The following LGALS4 variants were observed in gnomAD, a reference collection of about 807,000 sequenced individuals.
The protein encoded by LGALS4 is galectin-4.
In LGALS4, 37 loss-of-function variants were observed where a neutral mutation model predicts 39.6. The ratio of observed to expected loss-of-function variants is 0.93; its 90% confidence interval spans 0.72 to 1.23. The LOEUF is 1.23. Ranked by LOEUF, LGALS4 falls within the 50% of genes most tolerant of loss-of-function variation. The probability of loss-of-function intolerance (pLI) is 0.00; values close to 1 mark genes in which losing one functional copy is unlikely to be tolerated. For synonymous variants in LGALS4, 160 were observed against 165.5 expected (o/e 0.97, Z 0.25); for missense variants, 397 against 433.2 (o/e 0.92, Z 0.74).
intron 2 of LGALS4, among the ~76,000 whole-genome samples, chr19:38,809,644 C>CTTTTTTTTTTTTTTT (rs66473176): frequency 2.7e-5 from 2 of 74,544 alleles, no homozygotes; most frequent in Non-Finnish European, 4.7e-5. Context: ...CTATGCCTGG[C>CTTTTTTTTTTTTTTT]TTTTTTTTTT....
Position 38,802,372 on chromosome 19 carries a change from C to T in LGALS4, c.603G>A (p.Gly201=), listed in dbSNP as rs753266881. ...TGATGATGGTTCTTCGAGCTGTGAG[C>T]CCTCCTTGCAGCCTCCCGAAATATG... The part of the protein sequence containing the change: ...PVPYFGRLQG[G]LTARRTIIIK... The change falls in exon 8 of 10, where the codon GGG becomes GGA. Residue 201 remains glycine, a synonymous_variant. Transcript: ENST00000307751. 12 of 1,614,166 alleles carry T rather than the reference C, an allele frequency of 7.4e-6. No individual in the cohort carries two copies. In the Admixed American group the frequency reaches 1.5e-4, roughly 20 times the overall value.
rs546782523 is a variant in LGALS4 at position 38,812,340 on chromosome 19, G to T, written c.134+91C>A. The T allele has an allele frequency of 6.6e-6, 7 of 1,056,532 alleles. No homozygotes were observed. The South Asian group carries it at 6.7e-5, about 10-fold the overall frequency. The allele number at this position is 1,056,532 out of a possible 1,614,324, so 65.4% of individuals were successfully genotyped here. On this transcript the variant is annotated intron_variant, in intron 2 of 9. Transcript: ENST00000307751. ...AAAAGAGTCCCCTCTCCACCAGGGT[G>T]GGGTAAGGGCAGAAAGCCCCCAACA...
rs370248309 is a variant in LGALS4 at position 38,812,842 on chromosome 19, C to A, written c.45G>T (p.Pro15=). ...AGTGGGGCCTGAGCTGGCATCTCACCGGGTTGTAGGTGGGCTGGTAGCCCG... is the reference window on the plus strand; with the variant it reads ...AGTGGGGCCTGAGCTGGCATCTCACAGGGTTGTAGGTGGGCTGGTAGCCCG... ...PAPGYQPTYN[P]TLPYYQPIPG... is the part of the protein sequence containing the mutation. Residue 15 remains proline (P), a splice_region_variant and synonymous_variant, in exon 1 of 10, where the codon CCG becomes CCT. Coordinates refer to ENST00000307751, the MANE Select transcript of LGALS4 (RefSeq NM_006149.4). The A allele has an allele frequency of 6.2e-7, 1 of 1,611,480 alleles. No individual in the cohort carries two copies.
chr19:38,803,260 GT>G, intron 7 of LGALS4: 1 of 562,024 alleles, frequency 1.8e-6, no homozygotes, highest in South Asian at 2.1e-5. Flanking sequence ...CTCGTGATCT[GT>G]CCGCCTTGGC....
chr19:38,806,946 C>CA (rs34812797), intron 3 of LGALS4, among the ~76,000 whole-genome samples: 166 of 123,856 alleles, frequency 1.3e-3, no homozygotes, highest in East Asian at 0.012. Context: ...GACTCTGTCT[C>CA]AAAAAAAAAA....
intron 3 of LGALS4, 24 bp downstream of exon 3, chr19:38,808,720 A>G (rs746935032): frequency 1.9e-6 from 3 of 1,602,740 alleles, no homozygotes; most frequent in East Asian, 2.2e-5. Context: ...CCAGCTTGGG[A>G]AACAAGAGAG....
intron 4 of LGALS4, among the ~76,000 whole-genome samples, chr19:38,804,878 G>C (rs1392266730): frequency 1.3e-5 from 2 of 151,862 alleles, no homozygotes; most frequent in African/African-American, 4.8e-5. Flanking sequence ...TTTATAAGCC[G>C]GGGGCTGTGG....
At chr19:38,803,499 A>G (rs1002156523) in intron 7 of LGALS4, 23 bp downstream of exon 7, 1 of 1,612,262 alleles carries the variant, frequency 6.2e-7, no homozygotes, top group Non-Finnish European at 8.5e-7. Flanking sequence ...CCCACCATCC[A>G]TCTCTGTTTC....
At position 38,803,162 on chromosome 19, in the gene LGALS4, G is replaced by A. The variant is rs138900045; in HGVS notation, c.570+360C>T. The stretch of plus-strand genomic sequence containing the variant: ...CCTGAGTAGCTGGGATTACAGGCGC[G>A]CGCCACCATGCCCAGCTAATTTTTG... On this transcript the variant is annotated intron_variant, in intron 7 of 9. Transcript: ENST00000307751. 2.6e-3 allele frequency: 656 copies of A among 248,512 alleles called. 5 individuals are homozygous for A. Among genetic ancestry groups the A allele is most frequent in the African/African-American group, 0.013 (582 of 44,932 alleles). 15.4% of individuals were successfully genotyped at this position (248,512 alleles called of 1,614,324 possible). A position where few individuals can be genotyped will look rare whatever the true frequency, so the allele number is the denominator to read the frequency against.
intron 2 of LGALS4, among the ~76,000 whole-genome samples, chr19:38,810,311 A>G (rs1489027943): frequency 6.9e-6 from 1 of 145,690 alleles, no homozygotes; most frequent in Non-Finnish European, 1.5e-5. Flanking sequence ...ACCTGTCACC[A>G]TGCCTGGCTA....
At chr19:38,812,779 A>T in intron 1 of LGALS4, 63 bp downstream of exon 1, 1 of 1,568,766 alleles carries the variant, frequency 6.4e-7, no homozygotes, top group Non-Finnish European at 8.7e-7. Flanking sequence ...AGAGTGGGGA[A>T]AATTGGTGTG....
chr19:38,808,414 G>C (rs551874911), intron 3 of LGALS4, among the ~76,000 whole-genome samples: 14 of 151,708 alleles, frequency 9.2e-5, no homozygotes, highest in South Asian at 2.1e-4. Context: ...ACCTGAGGTC[G>C]GGAGTTCGAG....
intron 3 of LGALS4, 78 bp downstream of exon 3, chr19:38,808,666 G>A (rs980670762): frequency 2.8e-6 from 3 of 1,072,406 alleles, no homozygotes; most frequent in African/African-American, 1.6e-5. Context: ...GAAAAGGAAG[G>A]AAGGCGGGAA....
At chr19:38,812,349 G>A (rs780244000) in intron 2 of LGALS4, 82 bp downstream of exon 2, 28 of 1,214,216 alleles carry the variant, frequency 2.3e-5, no homozygotes, top group Non-Finnish European at 3.3e-5. Context: ...TGGGGTAAGG[G>A]CAGAAAGCCC....
At position 38,803,537 on chromosome 19, in the gene LGALS4, G is replaced by A. The variant is rs370763990; in HGVS notation, c.555C>T (p.Pro185=). 4.6e-5 allele frequency: 75 copies of A among 1,613,986 alleles called. 2 individuals are homozygous for A. In the South Asian group the frequency reaches 6.8e-4, roughly 15 times the overall value. ...QLNSLPTMEG[P]PTFNPPVPYF... ...CAAGCCATACCGGGTTGAAGGTTGGGGGTCCTTCCATGGTCTGTGAAGTGA... is the reference window on the plus strand; with the variant it reads ...CAAGCCATACCGGGTTGAAGGTTGGAGGTCCTTCCATGGTCTGTGAAGTGA... Residue 185 remains proline, a synonymous_variant, in exon 7 of 10, where the codon CCC becomes CCT. Transcript: ENST00000307751.
At chr19:38,808,045 A>G (rs1220233218) in intron 3 of LGALS4, among the ~76,000 whole-genome samples, 1 of 152,030 alleles carries the variant, frequency 6.6e-6, no homozygotes, top group Non-Finnish European at 1.5e-5. Context: ...TTATCTGCTG[A>G]CCTTCTCTCC....
At chr19:38,802,458 G>T in intron 7 of LGALS4, 54 bp from the exon 8 acceptor site, 1 of 1,359,798 alleles carries the variant, frequency 7.4e-7, no homozygotes, top group East Asian at 2.3e-5. Flanking sequence ...AGAGCCAGAT[G>T]TGGGAAGAAA....
rs541575125 is a variant in LGALS4 at position 38,808,884 on chromosome 19, G to A, written c.199C>T (p.Arg67Trp). The A allele has an allele frequency of 3.8e-5, 61 of 1,614,104 alleles. No individual in the cohort carries two copies. In the South Asian group the frequency reaches 5.3e-4, roughly 14 times the overall value. The stretch of plus-strand genomic sequence containing the variant: ...ACCACCTTGTCCCAGCCGTCAAACC[G>A]CGGATTGAAGTGGAAGGCGACGTCT... ...GSDVAFHFNP[R>W]FDGWDKVVFN... The change falls in exon 3 of 10, where the codon CGG becomes TGG. Residue 67 changes from arginine (R) to tryptophan (W), a missense_variant. Arg to Trp is a moderately radical substitution (Grantham distance 101). Transcript: ENST00000307751.
In LGALS4 at chr19:38,801,863, G is replaced by A. The variant is rs374092153; in HGVS notation, c.873C>T (p.Gly291=). ...GATGGGCAAAGTCAAAGAGGTGCTGGCCATTGGCGTAAACCTTGAAGCGAT... is the reference window on the plus strand; with the variant it reads ...GATGGGCAAAGTCAAAGAGGTGCTGACCATTGGCGTAAACCTTGAAGCGAT... The part of the protein sequence containing the change: ...GLDRFKVYAN[G]QHLFDFAHRL... The change falls in exon 10 of 10, where the codon GGC becomes GGT. Residue 291 remains glycine, a synonymous_variant. Transcript: ENST00000307751. 49 of 1,614,198 alleles carry A rather than the reference G, an allele frequency of 3.0e-5. No homozygotes were observed. The African/African-American group carries it at 6.3e-4, about 21-fold the overall frequency.
Sources: gnomAD v4.1 joint callset for allele counts (sites outside exome capture counted in the v4.1 genomes callset) on GRCh38, gnomAD v4.1.1 for gene constraint, MANE v1.5 for transcripts, NCBI Gene and HGNC (gene_info 2026-07-23, HGNC 2026-07-21) for gene names.